The following FGD4 variants were observed in gnomAD, a reference collection of about 807,000 sequenced individuals.
The protein encoded by FGD4 is FYVE, RhoGEF and PH domain-containing protein 4.
FGD4 carries 42 observed loss-of-function variants against 102.0 expected under a neutral mutation model. The ratio of observed to expected loss-of-function variants is 0.41; its 90% confidence interval spans 0.32 to 0.53. The LOEUF (loss-of-function observed/expected upper bound fraction) is 0.53. FGD4 is among the 20% of genes least tolerant of loss of function. The pLI, the probability that FGD4 is intolerant of heterozygous loss-of-function variation, is 0.21. For missense variants in FGD4, 902 were observed against 1,078.2 expected (o/e 0.84, Z 2.29); for synonymous variants, 380 against 375.7 (o/e 1.01, Z -0.13).
At chr12:32,617,467 A>T (rs1163200388) in intron 10 of FGD4, among the ~76,000 whole-genome samples, 1 of 152,372 alleles carries the variant, frequency 6.6e-6, no homozygotes, top group East Asian at 1.9e-4. Context: ...TCAGTCAAAT[A>T]TATTTTTAGA....
chr12:32,462,558 A>T (rs1455990865), intron 1 of FGD4, among the ~76,000 whole-genome samples: 8 of 137,900 alleles, frequency 5.8e-5, no homozygotes, highest in African/African-American at 2.4e-4. Context: ...TCATGTGCTT[A>T]TACATTCTGA....
intron 10 of FGD4, among the ~76,000 whole-genome samples, chr12:32,615,262 A>G (rs1223895700): frequency 6.6e-6 from 1 of 152,244 alleles, no homozygotes; most frequent in Non-Finnish European, 1.5e-5. Context: ...AAATGTCCAG[A>G]AAAAGCAAAT....
chr12:32,615,645 C>G (rs952330268), intron 10 of FGD4, among the ~76,000 whole-genome samples: 1 of 151,444 alleles, frequency 6.6e-6, no homozygotes, highest in Non-Finnish European at 1.5e-5. Flanking sequence ...AAGGGCAGAT[C>G]GGGGTGGGGT....
At chr12:32,559,373 A>G (rs1944361015) in intron 1 of FGD4, among the ~76,000 whole-genome samples, 1 of 152,204 alleles carries the variant, frequency 6.6e-6, no homozygotes, top group African/African-American at 2.4e-5. Context: ...CCAAATAATT[A>G]TTAATAGTAT....
intron 1 of FGD4, among the ~76,000 whole-genome samples, chr12:32,457,766 G>GT (rs1169935502): frequency 2.6e-5 from 4 of 152,186 alleles, no homozygotes; most frequent in African/African-American, 9.7e-5. Flanking sequence ...GCCTGGAACA[G>GT]TATGTAGCAT....
intron 15 of FGD4, among the ~76,000 whole-genome samples, chr12:32,636,959 C>T (rs1950865615): frequency 6.6e-6 from 1 of 150,772 alleles, no homozygotes; most frequent in African/African-American, 2.4e-5. Flanking sequence ...CAATCTCTGC[C>T]TCCCCGGTCC....
At chr12:32,494,319 G>A (rs1449168547) in intron 1 of FGD4, among the ~76,000 whole-genome samples, 3 of 152,102 alleles carry the variant, frequency 2.0e-5, no homozygotes, top group African/African-American at 4.8e-5. Context: ...CAGAGGTGCT[G>A]GGATTTCGCA....
chr12:32,599,270 G>A (rs1041952823), intron 5 of FGD4, among the ~76,000 whole-genome samples: 6 of 150,668 alleles, frequency 4.0e-5, no homozygotes, highest in Admixed American at 1.3e-4. Flanking sequence ...CGAGGCGGGC[G>A]GATCACGAGG....
intron 14 of FGD4, among the ~76,000 whole-genome samples, chr12:32,630,271 A>C (rs1347739577): frequency 6.6e-6 from 1 of 152,222 alleles, no homozygotes; most frequent in African/African-American, 2.4e-5. Context: ...AATTCTTCTC[A>C]GAGTATCTAC....
At chr12:32,489,739 G>T (rs755971628) in intron 1 of FGD4, among the ~76,000 whole-genome samples, 16 of 152,110 alleles carry the variant, frequency 1.1e-4, no homozygotes, top group Non-Finnish European at 2.1e-4. Flanking sequence ...GAAGAATCTT[G>T]TAAGATAGGT....
In FGD4 at chr12:32,402,746, G is replaced by A. The variant is rs1337213289; in HGVS notation, c.166+2787G>A. Among the ~76,000 whole-genome samples the A allele has an allele frequency of 2.1e-5, 3 of 140,566 alleles. No individual in the cohort carries two copies. The East Asian group carries it at 6.3e-4, about 30-fold the overall frequency. 92.2% of individuals were successfully genotyped at this position (140,566 alleles called of 152,430 possible). A position where few individuals can be genotyped will look rare whatever the true frequency, so the allele number is the denominator to read the frequency against. ...AATTCTTGTTGCTATTTTCAGGGTCGAAAAGTAATTATCTTAATAGGTACA... is the reference window on the plus strand; with the variant it reads ...AATTCTTGTTGCTATTTTCAGGGTCAAAAAGTAATTATCTTAATAGGTACA... On this transcript the variant is annotated intron_variant, in intron 1 of 16. Transcript: ENST00000534526.
intron 1 of FGD4, among the ~76,000 whole-genome samples, chr12:32,536,845 A>C (rs1268441093): frequency 6.6e-6 from 1 of 152,224 alleles, no homozygotes; most frequent in East Asian, 1.9e-4. Flanking sequence ...TTAAACAAAC[A>C]AACAAAAAAG....
chr12:32,588,854 GT>G (rs1947254033), intron 4 of FGD4, among the ~76,000 whole-genome samples: 1 of 152,192 alleles, frequency 6.6e-6, no homozygotes, highest in African/African-American at 2.4e-5. Flanking sequence ...AGGTCACAGC[GT>G]GTAGAAAGAC....
rs552936020 is a variant in FGD4, at chr12:32,512,145, C to T, written c.167-51992C>T. ...AACTGAAAGTTGTGGCTTGAGGGCT[C>T]GAAGAAGTAGAGTGCTTGTGGCCGG... On this transcript the variant is annotated intron_variant, in intron 1 of 16. Transcript: ENST00000534526. Among the ~76,000 whole-genome samples the T allele has an allele frequency of 1.5e-3, 234 of 152,082 alleles. 3 individuals carry two copies. The highest frequency in any genetic ancestry group is 5.4e-3 in the African/African-American group (225 of 41,478).
chr12:32,585,663 A>G (rs1335034494), intron 4 of FGD4, among the ~76,000 whole-genome samples: 1 of 151,844 alleles, frequency 6.6e-6, no homozygotes, highest in Non-Finnish European at 1.5e-5. Flanking sequence ...GCAAAACCCC[A>G]TCTCTACAAA....
intron 1 of FGD4, among the ~76,000 whole-genome samples, chr12:32,427,757 G>A (rs1390038770): frequency 1.3e-5 from 2 of 152,132 alleles, no homozygotes; most frequent in East Asian, 1.9e-4. Flanking sequence ...TGTATTGGGT[G>A]CATATATATT....
chr12:32,422,287 G>GTT (rs1565730786), intron 1 of FGD4, among the ~76,000 whole-genome samples: 1 of 91,678 alleles, frequency 1.1e-5, no homozygotes, highest in African/African-American at 4.0e-5. Context: ...ATTGGGAGCT[G>GTT]CTTTTTTTTT....
At chr12:32,512,242 T>A (rs968260680) in intron 1 of FGD4, among the ~76,000 whole-genome samples, 52 of 151,420 alleles carry the variant, frequency 3.4e-4, no homozygotes, top group African/African-American at 1.1e-3. Flanking sequence ...AGGTTAGGAG[T>A]TTGAGACCAG....
intron 10 of FGD4, among the ~76,000 whole-genome samples, chr12:32,617,670 G>A (rs1330218066): frequency 6.6e-6 from 1 of 152,208 alleles, no homozygotes; most frequent in Admixed American, 6.5e-5. Context: ...CCCTGAAAGG[G>A]AAAGTCAATG....
Sources: gnomAD v4.1 joint callset for allele counts (sites outside exome capture counted in the v4.1 genomes callset) on GRCh38, gnomAD v4.1.1 for gene constraint, MANE v1.5 for transcripts, NCBI Gene and HGNC (gene_info 2026-07-23, HGNC 2026-07-21) for gene names.